TTC29: variants seen among roughly 807,000 people sequenced by gnomAD.
TTC29 encodes the protein tetratricopeptide repeat domain 29.
TTC29 carries 49 observed loss-of-function variants against 58.1 expected under a neutral mutation model. The ratio of observed to expected loss-of-function variants is 0.84; its 90% CI spans 0.67 to 1.07. The LOEUF (loss-of-function observed/expected upper bound fraction) is 1.07, where lower values mean the gene tolerates loss of function less well. Ranked by LOEUF, TTC29 falls within the 50% of genes least tolerant of loss-of-function variation. TTC29 has a pLI of 0.00. For missense variants in TTC29, 582 were observed against 555.6 expected, an observed-to-expected ratio of 1.05 and a Z score of -0.48; for synonymous variants, 209 against 196.8, an observed-to-expected ratio of 1.06 and a Z score of -0.52.
chr4:146,781,521 A>G lies in TTC29; in HGVS notation c.1330+21936T>C, dbSNP rs924188548. Among the ~76,000 whole-genome samples, 4 of 151,956 alleles carry G rather than the reference A, an allele frequency of 2.6e-5. No individual in the cohort carries two copies. In the East Asian group the frequency reaches 7.7e-4, roughly 29 times the overall value. ...TATAGTGTAAGATTAAAACCTTGAA[A>G]TATACATGACAAATCAGTAGGCTGT... is the stretch of plus-strand genomic sequence containing the variant. On this transcript the variant is annotated intron_variant, in intron 11 of 12. Coordinates refer to ENST00000325106, the MANE Select transcript of TTC29 (RefSeq NM_031956.4).
At chr4:146,854,881 A>G (rs1286893770) in intron 8 of TTC29, among the ~76,000 whole-genome samples, 4 of 152,188 alleles carry the variant, frequency 2.6e-5, no homozygotes, top group Non-Finnish European at 5.9e-5. Flanking sequence ...AAGCTGTTAC[A>G]CACATCTATA....
At chr4:146,944,192 TG>T (rs1457067105) in intron 2 of TTC29, 1 of 152,212 alleles carries the variant, frequency 6.6e-6, no homozygotes, top group Non-Finnish European at 1.5e-5. Flanking sequence ...TGCTAGCAAG[TG>T]GGCAGTGCTA....
At chr4:146,835,618 A>T (rs1728459033) in intron 8 of TTC29, among the ~76,000 whole-genome samples, 1 of 152,146 alleles carries the variant, frequency 6.6e-6, no homozygotes, top group East Asian at 1.9e-4. Flanking sequence ...ATATGCCTGT[A>T]ACCCTCAAGG....
At chr4:146,715,762 G>A (rs1414465882) in intron 11 of TTC29, among the ~76,000 whole-genome samples, 3 of 152,194 alleles carry the variant, frequency 2.0e-5, no homozygotes, top group South Asian at 2.1e-4. Flanking sequence ...CTAGAAGACC[G>A]AATTTTGAAT....
chr4:146,924,600 A>G (rs1734802242), intron 4 of TTC29, among the ~76,000 whole-genome samples: 1 of 151,670 alleles, frequency 6.6e-6, no homozygotes. Context: ...GTCCCTTTTC[A>G]TTTCCCAAAT....
intron 7 of TTC29, among the ~76,000 whole-genome samples, chr4:146,869,817 T>C (rs1416453859): frequency 6.6e-6 from 1 of 152,092 alleles, no homozygotes; most frequent in African/African-American, 2.4e-5. Flanking sequence ...GAACTTTTCT[T>C]GTACATGAAT....
intron 11 of TTC29, among the ~76,000 whole-genome samples, chr4:146,774,112 C>T (rs1034225783): frequency 2.6e-5 from 4 of 151,488 alleles, no homozygotes; most frequent in African/African-American, 7.3e-5. Context: ...TGATTGTGTT[C>T]CTTTGGATAT....
At chr4:146,889,985 T>C (rs1023711163) in intron 6 of TTC29, among the ~76,000 whole-genome samples, 1 of 152,324 alleles carries the variant, frequency 6.6e-6, no homozygotes, top group South Asian at 2.1e-4. Context: ...ATTTCTCATA[T>C]ATATTGAGTC....
intron 8 of TTC29, among the ~76,000 whole-genome samples, chr4:146,839,667 A>T (rs992567751): frequency 1.3e-5 from 2 of 151,804 alleles, no homozygotes; most frequent in African/African-American, 2.4e-5. Flanking sequence ...ATGCCTCATG[A>T]TACTCTTTCC....
At chr4:146,754,127 A>T (rs1746246172) in intron 11 of TTC29, among the ~76,000 whole-genome samples, 1 of 151,686 alleles carries the variant, frequency 6.6e-6, no homozygotes, top group African/African-American at 2.4e-5. Context: ...AACTACCATC[A>T]TTTTATATAT....
At chr4:146,803,758 C>G in intron 10 of TTC29, 73 bp from the exon 11 acceptor site, 1 of 1,244,134 alleles carries the variant, frequency 8.0e-7, no homozygotes, top group Non-Finnish European at 1.1e-6. Flanking sequence ...TGACCTTACC[C>G]TGGCATGTCC....
chr4:146,763,409 C>T (rs1747053939), intron 11 of TTC29, among the ~76,000 whole-genome samples: 1 of 152,050 alleles, frequency 6.6e-6, no homozygotes, highest in African/African-American at 2.4e-5. Flanking sequence ...AGTTCCATGT[C>T]AGCCCACTGC....
rs536306163 is a variant in TTC29, at chr4:146,765,505, G to A, written c.1330+37952C>T. Among the ~76,000 whole-genome samples, 5 of 152,148 alleles carry A rather than the reference G, an allele frequency of 3.3e-5. No homozygotes were observed. In the South Asian group the frequency reaches 6.2e-4, roughly 19 times the overall value. On this transcript the variant is annotated intron_variant, in intron 11 of 12. Transcript: ENST00000325106. ...CACGAGCCAACGCGCTCAGCCCCACGATTTAATTTCTAATGGGCTAAGTTT... is the reference window on the plus strand; with the variant it reads ...CACGAGCCAACGCGCTCAGCCCCACAATTTAATTTCTAATGGGCTAAGTTT...
At chr4:146,754,149 GAA>G (rs1271464810) in intron 11 of TTC29, among the ~76,000 whole-genome samples, 1 of 150,456 alleles carries the variant, frequency 6.6e-6, no homozygotes, top group African/African-American at 2.4e-5. Context: ...TAAAAAAAAA[GAA>G]ATTATAACAG....
At chr4:146,930,084 CATATATATATATATATAT>C (rs70958534) in intron 4 of TTC29, among the ~76,000 whole-genome samples, 1,111 of 77,436 alleles carry the variant, frequency 0.014, 20 homozygotes, top group Middle Eastern at 0.053. Flanking sequence ...TGTGTGTGTG[CATATATATATATATATAT>C]ATATATATAT....
chr4:146,802,409 C>T (rs1750294416), intron 11 of TTC29, among the ~76,000 whole-genome samples: 1 of 152,154 alleles, frequency 6.6e-6, no homozygotes, highest in South Asian at 2.1e-4. Flanking sequence ...ATTCAAGAAG[C>T]TGCCAATTTT....
intron 11 of TTC29, among the ~76,000 whole-genome samples, chr4:146,741,231 C>T (rs772227009): frequency 3.3e-5 from 5 of 152,104 alleles, no homozygotes; most frequent in African/African-American, 4.8e-5. Flanking sequence ...GATGACTATA[C>T]GCAAGTATTT....
intron 6 of TTC29, among the ~76,000 whole-genome samples, chr4:146,876,934 C>CAAA (rs776037799): frequency 1.5e-4 from 9 of 59,114 alleles, no homozygotes; most frequent in Non-Finnish European, 2.5e-4. Flanking sequence ...GACTCCATCT[C>CAAA]AAAAAAAAAA....
intron 4 of TTC29, among the ~76,000 whole-genome samples, chr4:146,917,230 A>T (rs1333210286): frequency 6.6e-6 from 1 of 150,620 alleles, no homozygotes; most frequent in African/African-American, 2.4e-5. Flanking sequence ...AGAATTCATC[A>T]TTAAAATGAA....
Sources: allele counts gnomAD v4.1 joint callset (sites outside exome capture counted in the v4.1 genomes callset), GRCh38; gene constraint gnomAD v4.1.1; transcripts MANE v1.5; gene names NCBI Gene and HGNC (gene_info 2026-07-23, HGNC 2026-07-21).